PTPRT: variants seen among roughly 807,000 people sequenced by gnomAD.
PTPRT encodes receptor-type tyrosine-protein phosphatase T.
PTPRT carries 56 observed loss-of-function variants against 176.8 expected under a neutral mutation model. The observed-to-expected ratio is 0.32, with a 90% CI of 0.26 to 0.40. The LOEUF (loss-of-function observed/expected upper bound fraction) is 0.40, where lower values mean the gene tolerates loss of function less well. Among genes scored for constraint, PTPRT ranks in the 10% least tolerant of loss-of-function variants. The pLI is 1.00. For missense variants in PTPRT, 1,540 were observed against 1,908.2 expected (o/e 0.81, Z 3.60); for synonymous variants, 783 against 739.0 (o/e 1.06, Z -0.96).
At position 43,148,335 on chromosome 20, in the gene PTPRT, T is replaced by C. The variant is rs145589571; in HGVS notation, c.88+41311A>G. Among the ~76,000 whole-genome samples the C allele has an allele frequency of 4.4e-3, 668 of 152,294 alleles. 9 individuals carry two copies. Among genetic ancestry groups the C allele is most frequent in the African/African-American group, 0.015 (627 of 41,554 alleles). ...GGGCAAGAAGTATCCATCTCAATAA[T>C]GTCTCCCTACTCCTTTCAACCCCAT... is the stretch of plus-strand genomic sequence containing the variant. On this transcript the variant is annotated intron_variant, in intron 1 of 30. Coordinates refer to ENST00000373187, the MANE Select transcript of PTPRT (RefSeq NM_007050.6).
At chr20:42,035,650 T>G in the PTPRT span, among the ~76,000 whole-genome samples, 1 of 152,158 alleles carries the variant, frequency 6.6e-6, no homozygotes, top group African/African-American at 2.4e-5. Context: ...CACATAATTA[T>G]GATTGCCACT....
intron 12 of PTPRT, among the ~76,000 whole-genome samples, chr20:42,299,961 T>C (rs568261320): frequency 8.6e-4 from 131 of 151,572 alleles, no homozygotes; most frequent in Non-Finnish European, 1.5e-3. Context: ...TTGCCTTTTA[T>C]GATAGATAGC....
intron 29 of PTPRT, among the ~76,000 whole-genome samples, chr20:42,083,563 A>G (rs1169268820): frequency 1.3e-5 from 2 of 152,158 alleles, no homozygotes; most frequent in African/African-American, 2.4e-5. Flanking sequence ...CTGTGTGTTT[A>G]ACCTCCTTTA....
intron 1 of PTPRT, among the ~76,000 whole-genome samples, chr20:42,913,125 T>G (rs1600550255): frequency 6.6e-6 from 1 of 152,322 alleles, no homozygotes; most frequent in East Asian, 1.9e-4. Flanking sequence ...GGATACAAAG[T>G]GCTTAAAAAG....
chr20:42,489,586 C>T (rs1280021214), intron 7 of PTPRT, among the ~76,000 whole-genome samples: 1 of 151,604 alleles, frequency 6.6e-6, no homozygotes, highest in East Asian at 1.9e-4. Context: ...ATTTTGTGTT[C>T]TTAGAAAATG....
At chr20:43,001,542 A>C (rs1984555067) in intron 1 of PTPRT, among the ~76,000 whole-genome samples, 1 of 152,128 alleles carries the variant, frequency 6.6e-6, no homozygotes, top group Non-Finnish European at 1.5e-5. Context: ...GAATGGGGTT[A>C]ACTCAACAGT....
intron 3 of PTPRT, among the ~76,000 whole-genome samples, chr20:42,787,988 C>T (rs1350918622): frequency 1.3e-5 from 2 of 152,084 alleles, no homozygotes; most frequent in African/African-American, 4.8e-5. Flanking sequence ...ATATCTGACA[C>T]CATCAGTTTC....
At chr20:42,747,585 G>C (rs1335732229) in intron 6 of PTPRT, among the ~76,000 whole-genome samples, 1 of 152,194 alleles carries the variant, frequency 6.6e-6, no homozygotes, top group Non-Finnish European at 1.5e-5. Context: ...GGGCCTCTCT[G>C]AGAAGCTGAA....
intron 1 of PTPRT, among the ~76,000 whole-genome samples, chr20:42,988,436 C>G (rs765332214): frequency 2.1e-4 from 32 of 152,180 alleles, no homozygotes; most frequent in Non-Finnish European, 1.2e-4. Flanking sequence ...TCTGCTCTCT[C>G]AGGGACAGGG....
chr20:42,344,668 G>A (rs73267604), intron 11 of PTPRT, among the ~76,000 whole-genome samples: 2,003 of 152,224 alleles, frequency 0.013, 57 homozygotes, highest in East Asian at 0.093. Flanking sequence ...TTGGTGGAGA[G>A]AACAGCATGG....
At chr20:42,809,276 C>T (rs1018285686) in intron 2 of PTPRT, among the ~76,000 whole-genome samples, 1 of 152,146 alleles carries the variant, frequency 6.6e-6, no homozygotes, top group African/African-American at 2.4e-5. Flanking sequence ...GAAAGGGCTG[C>T]CGGAAACAAA....
intron 15 of PTPRT, among the ~76,000 whole-genome samples, chr20:42,227,638 A>C (rs1180392235): frequency 7.4e-5 from 8 of 107,584 alleles, no homozygotes; most frequent in African/African-American, 3.0e-4. Context: ...GACGGAGTTC[A>C]CTCTTGTTGC....
intron 7 of PTPRT, among the ~76,000 whole-genome samples, chr20:42,592,373 C>T (rs6016842): frequency 0.012 from 1,902 of 152,214 alleles, 38 homozygotes; most frequent in African/African-American, 0.043. Context: ...AGTTTCTTGC[C>T]TTTAAGGTAC....
At chr20:42,182,274 G>A (rs778733188) in intron 16 of PTPRT, among the ~76,000 whole-genome samples, 3 of 152,112 alleles carry the variant, frequency 2.0e-5, no homozygotes, top group Non-Finnish European at 4.4e-5. Context: ...GGCATTGTGA[G>A]TTTGTTTTTT....
At chr20:42,496,477 T>C (rs1156700455) in intron 7 of PTPRT, among the ~76,000 whole-genome samples, 1 of 152,118 alleles carries the variant, frequency 6.6e-6, no homozygotes, top group Non-Finnish European at 1.5e-5. Context: ...AAATCTGTTT[T>C]CTGGCACCGC....
rs564444816 is a variant in PTPRT, at chr20:43,005,213, C to T, written c.89-119281G>A. On this transcript the variant is annotated intron_variant, in intron 1 of 30. Transcript: ENST00000373187. ...CATTGGTTTCTTACTGCTGTAACCA[C>T]AAAAAGGTAAGGTCCCGATTCTAAT... Among the ~76,000 whole-genome samples, 498 of 152,218 alleles carry T rather than the reference C, an allele frequency of 3.3e-3. 2 individuals carry two copies. Among genetic ancestry groups the T allele is most frequent in the Non-Finnish European group, 5.4e-3 (369 of 68,000 alleles).
At chr20:42,543,264 C>A (rs1374924481) in intron 7 of PTPRT, among the ~76,000 whole-genome samples, 1 of 152,192 alleles carries the variant, frequency 6.6e-6, no homozygotes, top group Non-Finnish European at 1.5e-5. Context: ...TTAAACCATG[C>A]CACTACTTTA....
chr20:43,117,816 G>A (rs1311489435), intron 1 of PTPRT, among the ~76,000 whole-genome samples: 1 of 152,096 alleles, frequency 6.6e-6, no homozygotes, highest in African/African-American at 2.4e-5. Context: ...GAAGCAATTC[G>A]CTCTCATTTA....
chr20:43,103,363 A>G (rs2012469405), intron 1 of PTPRT, among the ~76,000 whole-genome samples: 1 of 152,132 alleles, frequency 6.6e-6, no homozygotes, highest in South Asian at 2.1e-4. Context: ...TACAATAGGA[A>G]CCTACACTCT....
Sources: allele counts gnomAD v4.1 joint callset (sites outside exome capture counted in the v4.1 genomes callset), GRCh38; gene constraint gnomAD v4.1.1; transcripts MANE v1.5; gene names NCBI Gene and HGNC (gene_info 2026-07-23, HGNC 2026-07-21).